Variants in HIVEP2 observed in about 807,000 individuals in gnomAD.
The protein encoded by HIVEP2 is HIVEP zinc finger 2, also known as transcription factor HIVEP2.
HIVEP2 carries 14 observed loss-of-function variants against 180.7 expected under a neutral mutation model. That is an observed-to-expected ratio of 0.08 (90% confidence interval 0.05 to 0.12). HIVEP2 has a LOEUF of 0.12. HIVEP2 is among the 10% of genes least tolerant of loss of function. HIVEP2 has a pLI of 1.00. For synonymous variants in HIVEP2, 1,184 were observed against 1,136.4 expected (o/e 1.04, Z -0.84); for missense variants, 2,579 against 3,008.5 (o/e 0.86, Z 3.34).
chr6:142,806,187 T>C (rs1376653473), intron 2 of HIVEP2, among the ~76,000 whole-genome samples: 1 of 152,164 alleles, frequency 6.6e-6, no homozygotes, highest in Non-Finnish European at 1.5e-5. Flanking sequence ...TTTGGAGAAA[T>C]AGGATACAAA....
chr6:142,844,398 G>C (rs542853838), intron 1 of HIVEP2, among the ~76,000 whole-genome samples: 5 of 152,146 alleles, frequency 3.3e-5, no homozygotes, highest in Admixed American at 1.3e-4. Flanking sequence ...TCCTAAGTCA[G>C]GTCAGTAATC....
Position 142,772,785 on chromosome 6 carries a change from C to T in HIVEP2, c.1954G>A (p.Glu652Lys), listed in dbSNP as rs916640461. Reference protein sequence around the residue: ...RKPYKKWEDSETPKQNYRDIS... With the variant: ...RKPYKKWEDSKTPKQNYRDIS... ...TCCCTGTAGTTTTGCTTTGGTGTTT[C>T]AGAGTCCTCCCACTTCTTATAGGGT... The change falls in exon 5 of 10, where the codon GAA becomes AAA. Residue 652 changes from glutamate to lysine, a missense_variant. Coordinates refer to ENST00000367603, the MANE Select transcript of HIVEP2 (RefSeq NM_006734.4). This position sits in a 1 kb window ranked among gnomAD's most constrained non-coding sequence, Gnocchi z 4.9. 6.2e-7 allele frequency: 1 copy of T among 1,614,186 alleles called. No individual in the cohort carries two copies. Among genetic ancestry groups the T allele is most frequent in the Non-Finnish European group, 8.5e-7 (1 of 1,180,028 alleles).
intron 1 of HIVEP2, among the ~76,000 whole-genome samples, chr6:142,927,926 T>C (rs145719882): frequency 6.6e-6 from 1 of 152,374 alleles, no homozygotes; most frequent in East Asian, 1.9e-4. Flanking sequence ...GCTTGTGCAG[T>C]TTGAGACAGA....
At chr6:142,799,636 G>A (rs1582870673) in intron 2 of HIVEP2, among the ~76,000 whole-genome samples, 2 of 152,138 alleles carry the variant, frequency 1.3e-5, no homozygotes, top group African/African-American at 4.8e-5. Flanking sequence ...AACACCTGCT[G>A]AAAGCATGTT....
chr6:142,844,712 G>A (rs926132105), intron 1 of HIVEP2, among the ~76,000 whole-genome samples: 14 of 152,036 alleles, frequency 9.2e-5, no homozygotes, highest in African/African-American at 1.4e-4. Context: ...CGATTGGGCC[G>A]AACAAGATCC....
At chr6:142,819,847 T>G (rs1197053393) in intron 2 of HIVEP2, among the ~76,000 whole-genome samples, 2 of 152,204 alleles carry the variant, frequency 1.3e-5, no homozygotes, top group Non-Finnish European at 2.9e-5. Flanking sequence ...AGTTCCACTT[T>G]CTGGCTCCCA....
chr6:142,818,789 G>GAA (rs755903707), intron 2 of HIVEP2, among the ~76,000 whole-genome samples: 2 of 122,272 alleles, frequency 1.6e-5, no homozygotes, highest in South Asian at 2.6e-4. Flanking sequence ...AAGAAAGAAA[G>GAA]AAAAAGAAAA....
intron 2 of HIVEP2, among the ~76,000 whole-genome samples, chr6:142,818,711 GAAAGAAAGAAAAGAAA>G (rs1776920818): frequency 2.6e-5 from 1 of 37,970 alleles, no homozygotes; most frequent in Non-Finnish European, 6.0e-5. Flanking sequence ...AAGAAAGAAA[GAAAGAAAGAAAAGAAA>G]GAAAGAAAAG....
chr6:142,802,352 C>T (rs1776434360), intron 2 of HIVEP2, among the ~76,000 whole-genome samples: 3 of 152,146 alleles, frequency 2.0e-5, no homozygotes, highest in South Asian at 4.1e-4. Flanking sequence ...GCTCATCTCT[C>T]TGTAGCAAGG....
chr6:142,911,139 TAA>T (rs5880554), intron 1 of HIVEP2, among the ~76,000 whole-genome samples: 400 of 106,194 alleles, frequency 3.8e-3, no homozygotes, highest in Admixed American at 8.4e-3. Flanking sequence ...ACAAACACAT[TAA>T]AAAAAAAAAA....
In HIVEP2 at chr6:142,913,930, G is replaced by T. The variant is rs547519835; in HGVS notation, c.-641+31169C>A. 1.3e-5 allele frequency among the ~76,000 whole-genome samples: 2 copies of T among 152,182 alleles called. 1 individual carries two copies. The highest frequency in any genetic ancestry group is 1.3e-4 in the Admixed American group (2 of 15,288). On this transcript the variant is annotated intron_variant, in intron 1 of 9. Transcript: ENST00000367603. Reference sequence around the variant, plus strand: ...CCAGCAGCAAGTTGCACGTTTGCACGTGTCTCTCCCACCACAGTGTACCGC... The same window carrying T: ...CCAGCAGCAAGTTGCACGTTTGCACTTGTCTCTCCCACCACAGTGTACCGC...
In HIVEP2 at chr6:142,827,242, C is replaced by T. The variant is rs189131418; in HGVS notation, c.-528+9693G>A. On this transcript the variant is annotated intron_variant, in intron 2 of 9. Transcript: ENST00000367603. ...AAAAACAAAAACCAACTAAACATAACCATGATATAAATTTCACCCCTTTAC... is the reference window on the plus strand; with the variant it reads ...AAAAACAAAAACCAACTAAACATAATCATGATATAAATTTCACCCCTTTAC... Among the ~76,000 whole-genome samples the T allele has an allele frequency of 4.3e-3, 661 of 151,982 alleles. 5 individuals are homozygous for T. Among genetic ancestry groups the T allele is most frequent in the Non-Finnish European group, 5.8e-3 (394 of 67,944 alleles).
At chr6:142,931,534 T>C (rs1200432919) in intron 1 of HIVEP2, among the ~76,000 whole-genome samples, 1 of 152,030 alleles carries the variant, frequency 6.6e-6, no homozygotes, top group Non-Finnish European at 1.5e-5. Flanking sequence ...TAACAATACA[T>C]CCATCAGCAA....
rs1052120871 is a variant in HIVEP2 at position 142,839,761 on chromosome 6, G to A, written c.-640-2714C>T. 6.6e-5 allele frequency among the ~76,000 whole-genome samples: 10 copies of A among 152,032 alleles called. 1 individual carries two copies. The highest frequency in any genetic ancestry group is 4.1e-4 in the South Asian group (2 of 4,826). ...CCTCTAGAGTAGCAACCACACTCTC[G>A]AGTAAGCCTGTGTATCATAATGTCT... On this transcript the variant is annotated intron_variant, in intron 1 of 9. Coordinates refer to ENST00000367603, the MANE Select transcript of HIVEP2 (RefSeq NM_006734.4).
At chr6:142,809,659 T>C (rs1027055318) in intron 2 of HIVEP2, among the ~76,000 whole-genome samples, 4 of 152,164 alleles carry the variant, frequency 2.6e-5, no homozygotes, top group Admixed American at 2.0e-4. Context: ...AGTGGCACGA[T>C]CTCAGCTCAC....
intron 2 of HIVEP2, among the ~76,000 whole-genome samples, chr6:142,791,505 T>G: frequency 6.6e-6 from 1 of 152,164 alleles, no homozygotes; most frequent in East Asian, 1.9e-4. Flanking sequence ...GCCTACAAAG[T>G]TTAAGGCTAA....
intron 1 of HIVEP2, among the ~76,000 whole-genome samples, chr6:142,902,424 G>C (rs1467154461): frequency 1.3e-5 from 2 of 152,104 alleles, no homozygotes; most frequent in Non-Finnish European, 2.9e-5. Flanking sequence ...CTATCATATT[G>C]TATCTTGTGT....
intron 2 of HIVEP2, among the ~76,000 whole-genome samples, chr6:142,803,696 G>A (rs1235548143): frequency 1.3e-5 from 2 of 152,110 alleles, no homozygotes; most frequent in East Asian, 1.9e-4. Context: ...CTGCATAGGC[G>A]TCAGCAAAAA....
chr6:142,910,596 G>A (rs1223406807), intron 1 of HIVEP2, among the ~76,000 whole-genome samples: 1 of 152,150 alleles, frequency 6.6e-6, no homozygotes, highest in Non-Finnish European at 1.5e-5. Context: ...GCGAGACTAC[G>A]TCTCAAAAAA....
Sources: gnomAD v4.1 joint callset for allele counts (sites outside exome capture counted in the v4.1 genomes callset) on GRCh38, gnomAD v4.1.1 for gene constraint, Gnocchi (gnomAD v3.1) non-coding constraint, MANE v1.5 for transcripts, NCBI Gene and HGNC (gene_info 2026-07-23, HGNC 2026-07-21) for gene names.